Variants in NUP188 observed in about 807,000 individuals in gnomAD.
NUP188 encodes nucleoporin 188.
In NUP188, 97 loss-of-function variants were observed where a neutral mutation model predicts 223.0. That is an observed-to-expected ratio of 0.43 (90% CI 0.37 to 0.51). NUP188 has a LOEUF of 0.51. Ranked by LOEUF, NUP188 falls within the 20% of genes least tolerant of loss-of-function variation. NUP188 has a pLI of 0.00. For synonymous variants in NUP188, 869 were observed against 828.0 expected (o/e 1.05, Z -0.85); for missense variants, 1,947 against 2,175.6 (o/e 0.89, Z 2.09).
intron 31 of NUP188, 110 bp from the exon 32 acceptor site, chr9:128,998,428 A>T: frequency 9.2e-7 from 1 of 1,083,706 alleles, no homozygotes; most frequent in Non-Finnish European, 1.4e-6. Flanking sequence ...CCTCCACTCC[A>T]CTCCTGTGAG....
At chr9:129,003,086 G>A (rs1045002417) in intron 37 of NUP188, 111 bp downstream of exon 37, 24 of 1,271,476 alleles carry the variant, frequency 1.9e-5, no homozygotes, top group South Asian at 8.7e-5. Context: ...GAGGGTTGTC[G>A]ATGCCTTCAT....
In NUP188 at chr9:128,979,247, C is replaced by G. The variant is rs1481010810; in HGVS notation, c.1204-15C>G. ...CTAGGGAAAATGATCCATTTTTCTT[C>G]CCTTCCTCAAACAGGATATAATTGA... On this transcript the variant is annotated splice_polypyrimidine_tract_variant and intron_variant, in intron 12 of 43. Coordinates refer to ENST00000372577, the MANE Select transcript of NUP188 (RefSeq NM_015354.3). 3.1e-6 allele frequency: 5 copies of G among 1,596,456 alleles called. No homozygotes were observed. The highest frequency in any genetic ancestry group is 4.3e-6 in the Non-Finnish European group (5 of 1,167,160).
intron 12 of NUP188, among the ~76,000 whole-genome samples, chr9:128,975,226 CTTTTT>C (rs540828761): frequency 2.3e-5 from 3 of 131,866 alleles, no homozygotes; most frequent in Admixed American, 1.5e-4. Flanking sequence ...TTTTCTTTTC[CTTTTT>C]TTTTTTTTTT....
Position 128,993,185 on chromosome 9 carries a change from G to A in NUP188, c.2641-12G>A. The A allele has an allele frequency of 6.2e-7, 1 of 1,611,106 alleles. No individual in the cohort carries two copies. Among genetic ancestry groups the A allele is most frequent in the Non-Finnish European group, 8.5e-7 (1 of 1,177,342 alleles). On this transcript the variant is annotated splice_polypyrimidine_tract_variant and intron_variant, in intron 25 of 43. Transcript: ENST00000372577. ...GCAGAGCTCTAAGCCTGTGTGTTCC[G>A]GTCTCCACCAGGTGGCCCCAATGTC...
chr9:128,979,788 A>G (rs892841328), intron 13 of NUP188, among the ~76,000 whole-genome samples: 1 of 152,034 alleles, frequency 6.6e-6, no homozygotes, highest in African/African-American at 2.4e-5. Context: ...GCCCGCCACC[A>G]TGCCTGGCTA....
rs139530603 is a variant in NUP188, at chr9:128,958,040, G to A, written c.358G>A (p.Ala120Thr). ...ACTGCAAGATGAGAGGCAGAGCCAG[G>A]CCTTAATCCTGAAGGTCAGTAGTAG... is the stretch of plus-strand genomic sequence containing the variant. ...TVLQDERQSQALILKIADYYY... is the reference protein window; with the variant it reads ...TVLQDERQSQTLILKIADYYY... The change falls in exon 6 of 44, where the codon GCC (alanine) becomes ACC (threonine). Residue 120 changes from alanine (A) to threonine (T), a missense_variant. By Grantham distance (58) the Ala-to-Thr change is moderately conservative. Coordinates refer to ENST00000372577, the MANE Select transcript of NUP188 (RefSeq NM_015354.3). The A allele has an allele frequency of 1.2e-6, 2 of 1,612,986 alleles. No individual in the cohort carries two copies. The highest frequency in any genetic ancestry group is 1.7e-6 in the Non-Finnish European group (2 of 1,179,382).
Position 128,995,472 on chromosome 9 carries a change from G to A in NUP188, c.3309G>A (p.Leu1103=). Reference sequence around the variant, plus strand: ...CCTCCTTGTTAGAGTACCAGATGCTGGTGTCCGCCTGGAGGATGCTTCTCA... The same window carrying A: ...CCTCCTTGTTAGAGTACCAGATGCTAGTGTCCGCCTGGAGGATGCTTCTCA... ...SCTSLLEYQM[L]VSAWRMLLII... Residue 1103 remains leucine, a synonymous_variant, in exon 30 of 44, where the codon CTG becomes CTA. Transcript: ENST00000372577. The A allele has an allele frequency of 6.2e-7, 1 of 1,610,522 alleles. No individual in the cohort carries two copies. The highest frequency in any genetic ancestry group is 1.7e-5 in the Admixed American group (1 of 59,398).
Position 128,986,591 on chromosome 9 carries a change from G to C in NUP188, c.2110G>C (p.Val704Leu), listed in dbSNP as rs1842336810. The C allele has an allele frequency of 2.5e-6, 4 of 1,614,146 alleles. 1 individual carries two copies. The Admixed American group carries it at 6.7e-5, about 27-fold the overall frequency. ...TGGTAGTACCCAGAGCCAAGGACTT[G>C]TACCCTGTGTAATGTTTGTGCTGAA... is the stretch of plus-strand genomic sequence containing the variant. ...QLGSTQSQGL[V>L]PCVMFVLKEM... Residue 704 changes from valine (V) to leucine (L), a missense_variant, in exon 21 of 44, where the codon GTA (valine) becomes CTA (leucine). Coordinates refer to ENST00000372577, the MANE Select transcript of NUP188 (RefSeq NM_015354.3).
chr9:128,959,854 A>G (rs1320608926), intron 8 of NUP188, among the ~76,000 whole-genome samples: 1 of 152,032 alleles, frequency 6.6e-6, no homozygotes, highest in African/African-American at 2.4e-5. Flanking sequence ...ATCATTCTTG[A>G]GAAAAGTTTA....
At chr9:128,993,435 T>G (rs371385867) in intron 26 of NUP188, 32 bp downstream of exon 26, 2 of 1,612,392 alleles carry the variant, frequency 1.2e-6, no homozygotes, top group Non-Finnish European at 1.7e-6. Flanking sequence ...ACACTGGGAG[T>G]TGGCTCACTG....
chr9:128,995,279 C>T, intron 29 of NUP188, 40 bp from the exon 30 acceptor site: 7 of 1,529,310 alleles, frequency 4.6e-6, no homozygotes, highest in Non-Finnish European at 6.3e-6. Flanking sequence ...TTCCCATCTG[C>T]TTTCAAAATC....
In NUP188 at chr9:128,964,355, A is replaced by C. The variant is rs368835632; in HGVS notation, c.586-4151A>C. 4,263 of 223,238 alleles carry C rather than the reference A, an allele frequency of 0.019. No homozygotes were observed. The Middle Eastern group carries it at 0.21, about 11-fold the overall frequency. 13.8% of individuals were successfully genotyped at this position (223,238 alleles called of 1,614,324 possible). On this transcript the variant is annotated intron_variant, in intron 8 of 43. Transcript: ENST00000372577. The stretch of plus-strand genomic sequence containing the variant: ...TCCACCTAGTGGCTTGTCTTTTCCC[A>C]CCTTAATTCTTTTTTTTTTTTTTTG...
intron 1 of NUP188, 56 bp downstream of exon 1, chr9:128,947,807 G>C (rs1425000761): frequency 7.5e-6 from 10 of 1,331,918 alleles, no homozygotes; most frequent in African/African-American, 1.5e-5. Flanking sequence ...TCAAAGCCGA[G>C]CGGAAGCGGG....
At chr9:128,969,289 A>ATGCC in intron 9 of NUP188, 111 bp from the exon 10 acceptor site, 1 of 658,676 alleles carries the variant, frequency 1.5e-6, no homozygotes, top group Non-Finnish European at 2.7e-6. Flanking sequence ...GTTAGCCACT[A>ATGCC]TGCCTGGCCC....
rs766602989 is a variant in NUP188, at chr9:128,949,193, A to T, written c.37A>T (p.Ser13Cys). ...CTCTGTTCTCTCATTTTGCAGGAGC[A>T]GTAGAGAACTGTGGACTATTCTGCT... ...AAAGGPCVRS[S>C]RELWTILLGR... The change falls in exon 2 of 44, where the codon AGT (serine) becomes TGT (cysteine). Residue 13 changes from serine to cysteine, a missense_variant. This residue lies in a region of NUP188 where 817 missense variants were observed against 865.8 expected (regional missense o/e 0.94). Transcript: ENST00000372577. The T allele has an allele frequency of 1.5e-5, 24 of 1,612,302 alleles. No homozygotes were observed. The highest frequency in any genetic ancestry group is 1.2e-4 in the Admixed American group (7 of 59,926).
At chr9:128,983,676 C>T (rs1842288829) in intron 19 of NUP188, 126 bp downstream of exon 19, 1 of 706,850 alleles carries the variant, frequency 1.4e-6, no homozygotes, top group East Asian at 2.7e-5. Context: ...GATGGAGTCT[C>T]ACTCTGTTGC....
rs1049328544 is a variant in NUP188 at position 128,953,973 on chromosome 9, G to C, written c.161+1127G>C. ...GCCTCCCGAGTGGCTGGGATTACAG[G>C]TGCCCGCCACCACGCCCAGCTAATT... On this transcript the variant is annotated intron_variant, in intron 3 of 43. Coordinates refer to ENST00000372577, the MANE Select transcript of NUP188 (RefSeq NM_015354.3). 2.0e-5 allele frequency among the ~76,000 whole-genome samples: 3 copies of C among 151,928 alleles called. No individual in the cohort carries two copies. In the East Asian group the frequency reaches 5.8e-4, roughly 29 times the overall value.
rs186222179 is a variant in NUP188 at position 128,987,296 on chromosome 9, T to A, written c.2265-293T>A. ...GACTGTAACTTTCTTTCCATGCTAC[T>A]GCTTATAGATGTCTTATTTTAATGG... On this transcript the variant is annotated intron_variant, in intron 22 of 43. Transcript: ENST00000372577. 2.4e-3 allele frequency among the ~76,000 whole-genome samples: 367 copies of A among 152,312 alleles called. 7 individuals carry two copies. In the East Asian group the frequency reaches 0.042, roughly 18 times the overall value.
chr9:129,003,791 G>A lies in NUP188; in HGVS notation c.4434+337G>A, dbSNP rs147449177. On this transcript the variant is annotated intron_variant, in intron 38 of 43. Transcript: ENST00000372577. ...AGTTCGAGATCAGCCTGGCCAACAT[G>A]GTGAAACCCTGTCTCTACTAAAAAT... The A allele has an allele frequency of 6.3e-4, 218 of 343,858 alleles. 2 individuals carry two copies. Among genetic ancestry groups the A allele is most frequent in the African/African-American group, 4.5e-3 (204 of 45,550 alleles). The allele number at this position is 343,858 out of a possible 1,614,324, so 21.3% of individuals were successfully genotyped here. A position where few individuals can be genotyped will look rare whatever the true frequency, so the allele number is the denominator to read the frequency against.
Sources: allele counts gnomAD v4.1 joint callset (sites outside exome capture counted in the v4.1 genomes callset), GRCh38; gene constraint gnomAD v4.1.1; regional missense constraint gnomAD v4.1.1; transcripts MANE v1.5; gene names NCBI Gene and HGNC (gene_info 2026-07-23, HGNC 2026-07-21).